COPG2: variants seen among roughly 807,000 people sequenced by gnomAD.
The protein encoded by COPG2 is coat protein complex I subunit gamma 2, also known as coatomer subunit gamma-2.
Under a neutral mutation model 46.3 loss-of-function variants are expected in COPG2, and 37 were observed. The observed-to-expected ratio is 0.80, with a 90% CI of 0.61 to 1.05. The LOEUF (loss-of-function observed/expected upper bound fraction) is 1.05, where lower values mean the gene tolerates loss of function less well. Ranked by LOEUF, COPG2 falls within the 50% of genes least tolerant of loss-of-function variation. The pLI, the probability that COPG2 is intolerant of heterozygous loss-of-function variation, is 0.00. For missense variants in COPG2, 427 were observed against 387.8 expected, an observed-to-expected ratio of 1.10 and a Z score of -0.85; for synonymous variants, 159 against 129.7, an observed-to-expected ratio of 1.23 and a Z score of -1.53.
intron 20 of COPG2, chr7:130,546,745 G>A (rs1313785262): frequency 6.6e-6 from 1 of 152,168 alleles, no homozygotes; most frequent in African/African-American, 2.4e-5. Flanking sequence ...AAGAAAGCAG[G>A]TTAAGCCCCA....
intron 9 of COPG2, among the ~76,000 whole-genome samples, chr7:130,582,122 C>T (rs1794158726): frequency 6.7e-6 from 1 of 148,532 alleles, no homozygotes; most frequent in South Asian, 2.2e-4. Flanking sequence ...GTAACCAAAA[C>T]AGCATGGTAC....
chr7:130,558,688 T>C, intron 12 of COPG2, among the ~76,000 whole-genome samples: 2 of 152,212 alleles, frequency 1.3e-5, no homozygotes, highest in South Asian at 4.2e-4. Flanking sequence ...GTCTGACTAA[T>C]TTTTGTATTT....
chr7:130,616,427 T>A (rs1563060490), intron 6 of COPG2, among the ~76,000 whole-genome samples: 2 of 151,144 alleles, frequency 1.3e-5, no homozygotes, highest in Non-Finnish European at 3.0e-5. Flanking sequence ...TTCAAACTGC[T>A]ACAAAAAAAA....
intron 4 of COPG2, among the ~76,000 whole-genome samples, chr7:130,659,519 G>C (rs1030164039): frequency 1.3e-5 from 2 of 152,110 alleles, no homozygotes; most frequent in Non-Finnish European, 2.9e-5. Context: ...TGGATAAATA[G>C]AATTACTGTA....
intron 5 of COPG2, chr7:130,645,428 C>A: frequency 2.4e-6 from 1 of 422,578 alleles, no homozygotes; most frequent in Non-Finnish European, 4.6e-6. Flanking sequence ...TGGGGTGGAG[C>A]CCATGGGCGA....
chr7:130,610,994 C>T lies in COPG2; in HGVS notation c.696G>A (p.Leu232=). 1.9e-6 allele frequency: 3 copies of T among 1,613,940 alleles called. No homozygotes were observed. The highest frequency in any genetic ancestry group is 2.2e-5 in the East Asian group (1 of 44,870). ...TTAGTAAGCGACTGGCAATTCGGAT[C>T]AGCATGCAGTAAGCAAACTGTGACT... The part of the protein sequence containing the change: ...GLKSQFAYCM[L]IRIASRLLKE... The change falls in exon 9 of 24, where the codon CTG becomes CTA. Residue 232 remains leucine (L), a synonymous_variant. Transcript: ENST00000425248.
At chr7:130,647,138 TC>T (rs1295308051) in intron 5 of COPG2, among the ~76,000 whole-genome samples, 2 of 151,826 alleles carry the variant, frequency 1.3e-5, no homozygotes, top group Non-Finnish European at 2.9e-5. Flanking sequence ...CCTCCCAGGT[TC>T]AAGCGACTCT....
At chr7:130,552,941 G>T (rs1793556111) in intron 14 of COPG2, among the ~76,000 whole-genome samples, 1 of 152,248 alleles carries the variant, frequency 6.6e-6, no homozygotes, top group Admixed American at 6.5e-5. Context: ...AGACATCATA[G>T]GTAAGTCCAT....
intron 9 of COPG2, among the ~76,000 whole-genome samples, chr7:130,571,399 A>C (rs1793896105): frequency 6.6e-6 from 1 of 152,222 alleles, no homozygotes; most frequent in Admixed American, 6.5e-5. Context: ...ATGAATAGAC[A>C]ATTCTCAAAA....
chr7:130,645,449 T>C lies in COPG2; in HGVS notation c.323+7420A>G, dbSNP rs138191115. ...GGAGCCCATGGGCGAAGATGATGTC[T>C]TTCTCCAACCGGACCACTGCCTCGA... On this transcript the variant is annotated intron_variant, in intron 5 of 23. Coordinates refer to ENST00000425248, the MANE Select transcript of COPG2 (RefSeq NM_012133.6). 598 of 367,856 alleles carry C rather than the reference T, an allele frequency of 1.6e-3. 4 individuals are homozygous for C. Among genetic ancestry groups the C allele is most frequent in the East Asian group, 9.3e-3 (124 of 13,302 alleles). 22.8% of individuals were successfully genotyped at this position (367,856 alleles called of 1,614,324 possible). A position where few individuals can be genotyped will look rare whatever the true frequency, so the allele number is the denominator to read the frequency against.
rs145609810 is a variant in COPG2 at position 130,655,475 on chromosome 7, T to G, written c.244-2527A>C. ...GGATTCTTTCCTTAGCTTTGAGTAG[T>G]TTCCTTTTTTACACACACAGATCAG... On this transcript the variant is annotated intron_variant, in intron 4 of 23. Coordinates refer to ENST00000425248, the MANE Select transcript of COPG2 (RefSeq NM_012133.6). Among the ~76,000 whole-genome samples the G allele has an allele frequency of 6.9e-3, 1,049 of 152,280 alleles. 10 individuals carry two copies. The highest frequency in any genetic ancestry group is 0.024 in the African/African-American group (994 of 41,536).
At chr7:130,573,188 GAGTT>G (rs1476746665) in intron 9 of COPG2, among the ~76,000 whole-genome samples, 4 of 142,738 alleles carry the variant, frequency 2.8e-5, no homozygotes, top group African/African-American at 7.5e-5. Context: ...AATTTCTAAT[GAGTT>G]AGTTATTAAA....
chr7:130,659,829 T>G (rs1554460416), intron 4 of COPG2, among the ~76,000 whole-genome samples: 3 of 151,762 alleles, frequency 2.0e-5, no homozygotes. Flanking sequence ...GGAGAATCGC[T>G]CAAACCCGGG....
Position 130,619,582 on chromosome 7 carries a change from C to G in COPG2, c.324-2517G>C, listed in dbSNP as rs531716370. On this transcript the variant is annotated intron_variant, in intron 5 of 23. Transcript: ENST00000425248. The stretch of plus-strand genomic sequence containing the variant: ...ATAACATTTACATTCTATCTTTAAT[C>G]ATAATTTCTACAGTAGTTTAACCCT... 3.3e-5 allele frequency among the ~76,000 whole-genome samples: 5 copies of G among 152,276 alleles called. No individual in the cohort carries two copies. In the South Asian group the frequency reaches 1.0e-3, roughly 32 times the overall value.
rs1221783260 is a variant in COPG2, at chr7:130,561,085, C to T, written c.1076G>A (p.Arg359Gln). ...AAAAGAAGATATCTGCTTCATGAGC[C>T]GGTCCACACTGCTCTCACTTCCTGT... ...LKTGSESSVD[R>Q]LMKQISSFVS... is the part of the protein sequence containing the mutation. The change falls in exon 12 of 24, where the codon CGG becomes CAG. Residue 359 changes from arginine (R) to glutamine (Q), a missense_variant. Coordinates refer to ENST00000425248, the MANE Select transcript of COPG2 (RefSeq NM_012133.6). 1 of 398,490 alleles carries T rather than the reference C, an allele frequency of 2.5e-6. No individual in the cohort carries two copies. The allele number at this position is 398,490 out of a possible 1,614,324, so 24.7% of individuals were successfully genotyped here. A position where few individuals can be genotyped will look rare whatever the true frequency, so the allele number is the denominator to read the frequency against.
chr7:130,645,144 T>C (rs782480550), intron 5 of COPG2: 30 of 487,620 alleles, frequency 6.2e-5, no homozygotes, highest in Non-Finnish European at 1.2e-4. Flanking sequence ...GGAAAATTAG[T>C]GTTCACAGTA....
chr7:130,602,451 T>C (rs1794654956), intron 9 of COPG2, among the ~76,000 whole-genome samples: 1 of 152,100 alleles, frequency 6.6e-6, no homozygotes. Flanking sequence ...AGCATACTTT[T>C]ACTTCCATCT....
chr7:130,575,817 T>C (rs1554446138), intron 9 of COPG2, among the ~76,000 whole-genome samples: 1 of 152,210 alleles, frequency 6.6e-6, no homozygotes, highest in East Asian at 1.9e-4. Context: ...AACCATCTGC[T>C]GCCTTCAGGA....
At chr7:130,602,059 G>A (rs1419952718) in intron 9 of COPG2, among the ~76,000 whole-genome samples, 1 of 152,186 alleles carries the variant, frequency 6.6e-6, no homozygotes, top group African/African-American at 2.4e-5. Context: ...AAACTCATAC[G>A]AGGGAGGGAC....
Sources: allele counts gnomAD v4.1 joint callset (sites outside exome capture counted in the v4.1 genomes callset), GRCh38; gene constraint gnomAD v4.1.1; transcripts MANE v1.5; gene names NCBI Gene and HGNC (gene_info 2026-07-23, HGNC 2026-07-21).